The following PRKG1 variants were observed in gnomAD, a reference collection of about 807,000 sequenced individuals.
PRKG1 encodes the protein protein kinase cGMP-dependent 1, also known as cGMP-dependent protein kinase 1.
A neutral mutation model predicts 88.1 loss-of-function variants in PRKG1; 35 were observed. That is an observed-to-expected ratio of 0.40 (90% CI 0.30 to 0.53). The LOEUF is 0.53. Among genes scored for constraint, PRKG1 ranks in the 20% least tolerant of loss-of-function variants. PRKG1 has a pLI of 0.59. For missense variants in PRKG1, 540 were observed against 839.8 expected (o/e 0.64, Z 4.41); for synonymous variants, 303 against 292.5 (o/e 1.04, Z -0.37).
At chr10:51,862,080 A>G (rs1319196125) in intron 4 of PRKG1, among the ~76,000 whole-genome samples, 1 of 152,210 alleles carries the variant, frequency 6.6e-6, no homozygotes, top group Non-Finnish European at 1.5e-5. Flanking sequence ...GGGAGTCCCA[A>G]GGTTTGAGCC....
At chr10:52,006,555 A>T (rs917729451) in intron 5 of PRKG1, among the ~76,000 whole-genome samples, 1 of 152,212 alleles carries the variant, frequency 6.6e-6, no homozygotes, top group African/African-American at 2.4e-5. Flanking sequence ...GCCCTCTGAA[A>T]TTACTCAGTC....
intron 2 of PRKG1, among the ~76,000 whole-genome samples, chr10:51,263,378 T>C (rs2132163243): frequency 6.6e-6 from 1 of 152,344 alleles, no homozygotes; most frequent in East Asian, 1.9e-4. Flanking sequence ...TTCTGGATTC[T>C]GGGTTCTACA....
At chr10:51,417,277 A>C (rs1838267962) in intron 2 of PRKG1, among the ~76,000 whole-genome samples, 1 of 152,202 alleles carries the variant, frequency 6.6e-6, no homozygotes, top group South Asian at 2.1e-4. Flanking sequence ...GAAATACTCA[A>C]CCACAGTATC....
chr10:51,979,078 A>G (rs1843925121), intron 5 of PRKG1, among the ~76,000 whole-genome samples: 1 of 152,132 alleles, frequency 6.6e-6, no homozygotes, highest in Non-Finnish European at 1.5e-5. Context: ...CCCATTCAGC[A>G]TAATGTTGTC....
intron 4 of PRKG1, among the ~76,000 whole-genome samples, chr10:51,904,391 A>AT (rs2132939917): frequency 6.6e-6 from 1 of 152,178 alleles, no homozygotes; most frequent in South Asian, 2.1e-4. Flanking sequence ...AAAATGATGT[A>AT]TTTTGATGTA....
chr10:52,166,787 C>CTATATA (rs201538311), intron 9 of PRKG1, among the ~76,000 whole-genome samples: 196 of 12,452 alleles, frequency 0.016, 4 homozygotes, highest in Admixed American at 0.027. Flanking sequence ...ATAAAAAAGC[C>CTATATA]TATATATATA....
At chr10:51,869,666 G>T (rs893532785) in intron 4 of PRKG1, among the ~76,000 whole-genome samples, 1 of 152,022 alleles carries the variant, frequency 6.6e-6, no homozygotes, top group African/African-American at 2.4e-5. Flanking sequence ...AACATTATGT[G>T]CATACTTATA....
Position 51,484,645 on chromosome 10 carries a change from A to G in PRKG1, c.592+16809A>G, listed in dbSNP as rs534708322. 9.5e-4 allele frequency among the ~76,000 whole-genome samples: 145 copies of G among 152,248 alleles called. 1 individual carries two copies. Among genetic ancestry groups the G allele is most frequent in the Non-Finnish European group, 4.4e-5 (3 of 68,014 alleles). On this transcript the variant is annotated intron_variant, in intron 3 of 17. Transcript: ENST00000373980. ...TCAATCAAAGTTTTATTGAGCACCT[A>G]CTATCTCCAAGCCCCCACGTGAGAC...
At chr10:51,584,647 T>G (rs1224550326) in intron 3 of PRKG1, among the ~76,000 whole-genome samples, 1 of 152,040 alleles carries the variant, frequency 6.6e-6, no homozygotes, top group East Asian at 1.9e-4. Flanking sequence ...AACAAATTGT[T>G]TCTGAGTACC....
chr10:52,215,195 G>C (rs1387586066), intron 9 of PRKG1, among the ~76,000 whole-genome samples: 1 of 151,844 alleles, frequency 6.6e-6, no homozygotes, highest in East Asian at 2.0e-4. Context: ...AGGAGTTTGA[G>C]ACCAGCCTGG....
intron 5 of PRKG1, among the ~76,000 whole-genome samples, chr10:52,036,855 C>G (rs1454700186): frequency 6.6e-6 from 1 of 151,960 alleles, no homozygotes; most frequent in African/African-American, 2.4e-5. Flanking sequence ...CCGTCAATAC[C>G]CACAACAGTT....
intron 2 of PRKG1, among the ~76,000 whole-genome samples, chr10:51,199,117 A>G (rs952050278): frequency 3.9e-5 from 6 of 152,372 alleles, no homozygotes; most frequent in Middle Eastern, 6.8e-3. Flanking sequence ...AATGAATTGT[A>G]CATGAAACTA....
intron 5 of PRKG1, among the ~76,000 whole-genome samples, chr10:51,977,396 G>A (rs1479380809): frequency 6.6e-6 from 1 of 151,968 alleles, no homozygotes; most frequent in African/African-American, 2.4e-5. Context: ...TTGATTCCAT[G>A]TCTTTGCTAT....
At chr10:52,218,594 T>C (rs1431338566) in intron 9 of PRKG1, among the ~76,000 whole-genome samples, 1 of 152,192 alleles carries the variant, frequency 6.6e-6, no homozygotes, top group African/African-American at 2.4e-5. Context: ...CCAACCTGAA[T>C]AGAAGTCTTA....
chr10:51,289,579 G>A (rs1181099354), intron 2 of PRKG1, among the ~76,000 whole-genome samples: 1 of 151,996 alleles, frequency 6.6e-6, no homozygotes. Flanking sequence ...TAACCCTGTA[G>A]GCAGCAGAGT....
intron 2 of PRKG1, among the ~76,000 whole-genome samples, chr10:51,169,483 T>G (rs1589216109): frequency 6.6e-6 from 1 of 152,286 alleles, no homozygotes. Context: ...TAAAATGCTG[T>G]TTTTACTTCT....
chr10:52,276,555 A>C (rs1433624422), intron 12 of PRKG1, among the ~76,000 whole-genome samples: 1 of 152,102 alleles, frequency 6.6e-6, no homozygotes, highest in Non-Finnish European at 1.5e-5. Flanking sequence ...TATTTCTCTC[A>C]AATTGTCATC....
At chr10:51,522,984 T>G (rs1841775423) in intron 3 of PRKG1, among the ~76,000 whole-genome samples, 1 of 152,224 alleles carries the variant, frequency 6.6e-6, no homozygotes, top group Non-Finnish European at 1.5e-5. Context: ...TATTGATACA[T>G]TTGAATATTC....
intron 3 of PRKG1, among the ~76,000 whole-genome samples, chr10:51,714,031 G>C (rs978618311): frequency 6.6e-6 from 1 of 151,954 alleles, no homozygotes; most frequent in Non-Finnish European, 1.5e-5. Context: ...CCAGACTGGA[G>C]TGCAGTGGCA....
Sources: gnomAD v4.1 joint callset for allele counts (sites outside exome capture counted in the v4.1 genomes callset) on GRCh38, gnomAD v4.1.1 for gene constraint, MANE v1.5 for transcripts, NCBI Gene and HGNC (gene_info 2026-07-23, HGNC 2026-07-21) for gene names.